Variants in THSD7B observed in about 807,000 individuals in gnomAD.
The protein encoded by THSD7B is thrombospondin type-1 domain-containing protein 7B.
Under a neutral mutation model 213.6 loss-of-function variants are expected in THSD7B, and 138 were observed. The observed-to-expected ratio is 0.65, with a 90% CI of 0.56 to 0.74. The LOEUF is 0.74. Among genes scored for constraint, THSD7B ranks in the 30% least tolerant of loss-of-function variants. The probability of loss-of-function intolerance (pLI) is 0.00; values close to 1 mark genes in which losing one functional copy is unlikely to be tolerated. For missense variants in THSD7B, 1,931 were observed against 1,991.5 expected, an observed-to-expected ratio of 0.97 and a Z score of 0.58; for synonymous variants, 742 against 687.0, an observed-to-expected ratio of 1.08 and a Z score of -1.25.
intron 5 of THSD7B, among the ~76,000 whole-genome samples, chr2:137,144,869 G>T (rs1464833304): frequency 2.0e-5 from 3 of 152,024 alleles, no homozygotes. Flanking sequence ...CAATAAAAAT[G>T]AATGAACTAA....
rs557419574 is a variant in THSD7B at position 137,252,063 on chromosome 2, C to T, written c.2266+9491C>T. Among the ~76,000 whole-genome samples, 23 of 151,906 alleles carry T rather than the reference C, an allele frequency of 1.5e-4. No individual in the cohort carries two copies. The South Asian group carries it at 3.3e-3, about 22-fold the overall frequency. On this transcript the variant is annotated intron_variant, in intron 10 of 27. Transcript: ENST00000409968. ...TGGGTGGATCATGAGGTCAGGAGTT[C>T]GAGACCATCCTGGCTAACATGGAGA...
chr2:137,237,468 A>C (rs1004847975), intron 9 of THSD7B, among the ~76,000 whole-genome samples: 1 of 152,238 alleles, frequency 6.6e-6, no homozygotes, highest in African/African-American at 2.4e-5. Context: ...TCATTCACTT[A>C]CTGTTACTAA....
chr2:136,993,901 G>A (rs1299665291), intron 2 of THSD7B, among the ~76,000 whole-genome samples: 1 of 152,164 alleles, frequency 6.6e-6, no homozygotes, highest in African/African-American at 2.4e-5. Flanking sequence ...TGCTCATGAT[G>A]AACATAAATA....
intron 4 of THSD7B, among the ~76,000 whole-genome samples, 170 bp from the exon 5 acceptor site, chr2:137,114,954 G>A (rs943035762): frequency 6.6e-6 from 1 of 151,740 alleles, no homozygotes; most frequent in African/African-American, 2.4e-5. Context: ...TTTTTTCTAG[G>A]AAATAAAAGG....
chr2:137,164,322 A>G (rs1680079336), intron 6 of THSD7B, among the ~76,000 whole-genome samples: 1 of 152,200 alleles, frequency 6.6e-6, no homozygotes, highest in Admixed American at 6.5e-5. Context: ...AATCAAAACC[A>G]CAATGAGATA....
intron 1 of THSD7B, among the ~76,000 whole-genome samples, chr2:136,831,027 A>G (rs1021663670): frequency 6.6e-6 from 1 of 152,136 alleles, no homozygotes; most frequent in African/African-American, 2.4e-5. Context: ...ATTGCTATCA[A>G]TAAACTGATT....
intron 12 of THSD7B, among the ~76,000 whole-genome samples, chr2:137,372,408 G>A (rs1685553167): frequency 7.5e-6 from 1 of 132,984 alleles, no homozygotes; most frequent in South Asian, 2.5e-4. Flanking sequence ...CCATGACACA[G>A]CCTCAGGAGG....
In THSD7B at chr2:137,542,069, C is replaced by G. The variant is rs562322555; in HGVS notation, c.3139-21152C>G. 2.0e-5 allele frequency among the ~76,000 whole-genome samples: 3 copies of G among 151,742 alleles called. No homozygotes were observed. The East Asian group carries it at 5.9e-4, about 30-fold the overall frequency. On this transcript the variant is annotated intron_variant, in intron 15 of 27. Coordinates refer to ENST00000409968, the MANE Select transcript of THSD7B (RefSeq NM_001316349.2). ...TAAAGAAATAAAACCTAAAATCTTCCTGAGTTTGATGAAAAAATATAAATT... is the reference window on the plus strand; with the variant it reads ...TAAAGAAATAAAACCTAAAATCTTCGTGAGTTTGATGAAAAAATATAAATT...
At chr2:137,048,233 C>T (rs1318476508) in intron 2 of THSD7B, among the ~76,000 whole-genome samples, 8 of 152,106 alleles carry the variant, frequency 5.3e-5, no homozygotes, top group Non-Finnish European at 8.8e-5. Context: ...AAGTAAACTA[C>T]TCAGTTACAA....
intron 6 of THSD7B, among the ~76,000 whole-genome samples, chr2:137,163,112 C>A (rs1484387064): frequency 6.6e-6 from 1 of 152,116 alleles, no homozygotes; most frequent in African/African-American, 2.4e-5. Context: ...CTTCAGACCC[C>A]CTCCCTTGGC....
At position 137,309,628 on chromosome 2, in the gene THSD7B, G is replaced by T. The variant is rs528062169; in HGVS notation, c.2500+33602G>T. ...CCACTACCTCGTCATCTAGCATTAG[G>T]TATATCTCCCAATGCTATCCCTACC... is the stretch of plus-strand genomic sequence containing the variant. On this transcript the variant is annotated intron_variant, in intron 12 of 27. Transcript: ENST00000409968. Among the ~76,000 whole-genome samples, 295 of 152,090 alleles carry T rather than the reference G, an allele frequency of 1.9e-3. 4 individuals are homozygous for T. The Middle Eastern group carries it at 0.034, about 18-fold the overall frequency.
intron 10 of THSD7B, among the ~76,000 whole-genome samples, chr2:137,266,629 C>T (rs1406891594): frequency 6.6e-6 from 1 of 152,072 alleles, no homozygotes; most frequent in Non-Finnish European, 1.5e-5. Flanking sequence ...CAAGGGAAAC[C>T]CCTAAAGGTT....
At chr2:137,169,376 CTCCTTGGCTGTGCTATT>C (rs1558945378) in intron 6 of THSD7B, among the ~76,000 whole-genome samples, 1 of 151,096 alleles carries the variant, frequency 6.6e-6, no homozygotes, top group Non-Finnish European at 1.5e-5. Context: ...GTGTTCTAGC[CTCCTTGGCTGTGCTATT>C]TAAGAGAGGT....
intron 1 of THSD7B, among the ~76,000 whole-genome samples, chr2:136,875,698 A>T (rs189168114): frequency 3.0e-4 from 45 of 152,264 alleles, no homozygotes; most frequent in Admixed American, 2.8e-3. Flanking sequence ...TGGCTTGGGT[A>T]ATCATAGAAG....
intron 17 of THSD7B, 104 bp from the exon 18 acceptor site, chr2:137,616,071 T>C (rs1267947949): frequency 1.7e-6 from 2 of 1,147,578 alleles, no homozygotes; most frequent in African/African-American, 3.2e-5. Flanking sequence ...CTAGATAATC[T>C]ATTCCCTATA....
intron 2 of THSD7B, among the ~76,000 whole-genome samples, chr2:137,013,799 T>G (rs1196687458): frequency 2.0e-5 from 3 of 152,156 alleles, no homozygotes; most frequent in Non-Finnish European, 4.4e-5. Context: ...GGGGCAGAAC[T>G]GGGCCTACCA....
At chr2:136,948,585 C>T (rs967997584) in intron 2 of THSD7B, among the ~76,000 whole-genome samples, 2 of 151,958 alleles carry the variant, frequency 1.3e-5, no homozygotes, top group African/African-American at 2.4e-5. Flanking sequence ...AGTTTACTAA[C>T]GGTATTTGTA....
chr2:137,546,467 TA>T (rs1192289450), intron 15 of THSD7B, among the ~76,000 whole-genome samples: 623 of 28,646 alleles, frequency 0.022, 128 homozygotes, highest in African/African-American at 0.16. Context: ...ATATATAATA[TA>T]TATATATATA....
At chr2:137,446,984 C>T (rs999182618) in intron 14 of THSD7B, among the ~76,000 whole-genome samples, 1 of 152,052 alleles carries the variant, frequency 6.6e-6, no homozygotes, top group Non-Finnish European at 1.5e-5. Context: ...TGTGGTAAAA[C>T]TTATCCATTC....
Sources: gnomAD v4.1 joint callset for allele counts (sites outside exome capture counted in the v4.1 genomes callset) on GRCh38, gnomAD v4.1.1 for gene constraint, MANE v1.5 for transcripts, NCBI Gene and HGNC (gene_info 2026-07-23, HGNC 2026-07-21) for gene names.